The following FRMD6 variants were observed in gnomAD, a reference collection of about 807,000 sequenced individuals.
FRMD6 encodes FERM domain-containing protein 6.
In FRMD6, 37 loss-of-function variants were observed where a neutral mutation model predicts 73.2. That is an observed-to-expected ratio of 0.51 (90% CI 0.39 to 0.66). The LOEUF is 0.66. Ranked by LOEUF, FRMD6 falls within the 30% of genes least tolerant of loss-of-function variation. The pLI is 0.00. For synonymous variants in FRMD6, 273 were observed against 282.2 expected, an observed-to-expected ratio of 0.97 and a Z score of 0.33; for missense variants, 714 against 780.5, an observed-to-expected ratio of 0.91 and a Z score of 1.02.
chr14:51,415,519 G>A, the FRMD6 span, among the ~76,000 whole-genome samples: 1 of 152,170 alleles, frequency 6.6e-6, no homozygotes, highest in African/African-American at 2.4e-5. Context: ...GATTGTGGTG[G>A]ATAAGCTTTT....
At chr14:51,706,951 A>C (rs915694177) in intron 6 of FRMD6, among the ~76,000 whole-genome samples, 1 of 152,066 alleles carries the variant, frequency 6.6e-6, no homozygotes, top group Admixed American at 6.6e-5. Context: ...GCATGTTTGC[A>C]TTCTCTGGTT....
intron 6 of FRMD6, among the ~76,000 whole-genome samples, chr14:51,707,548 C>A (rs1377995789): frequency 2.6e-5 from 4 of 152,124 alleles, no homozygotes; most frequent in Admixed American, 6.6e-5. Context: ...CATAAGTATT[C>A]CAGCAGTGTT....
At chr14:51,486,276 C>T (rs1256403061), upstream of FRMD6, among the ~76,000 whole-genome samples, 4 of 152,050 alleles carry the variant, frequency 2.6e-5, no homozygotes, top group East Asian at 3.9e-4. Context: ...CCTGTTGATC[C>T]GCCCTCCTCG....
At chr14:51,445,493 A>T in the FRMD6 span, among the ~76,000 whole-genome samples, 11 of 150,954 alleles carry the variant, frequency 7.3e-5, no homozygotes, top group South Asian at 8.4e-4. Flanking sequence ...TTTTTTACAA[A>T]CAAATCTCCA....
intron 1 of FRMD6, among the ~76,000 whole-genome samples, chr14:51,562,712 T>TA (rs1172599511): frequency 6.6e-6 from 1 of 152,220 alleles, no homozygotes; most frequent in Non-Finnish European, 1.5e-5. Flanking sequence ...TCTTCCTGCA[T>TA]AAGACTTGAT....
At chr14:51,727,477 G>C (rs1475184362) in intron 13 of FRMD6, among the ~76,000 whole-genome samples, 1 of 152,202 alleles carries the variant, frequency 6.6e-6, no homozygotes, top group Non-Finnish European at 1.5e-5. Context: ...AGGACTGTTA[G>C]GAAGATTAAA....
intron 4 of FRMD6, among the ~76,000 whole-genome samples, 177 bp from the exon 5 acceptor site, chr14:51,702,335 C>G (rs1262571658): frequency 2.0e-5 from 3 of 151,952 alleles, no homozygotes; most frequent in African/African-American, 7.2e-5. Flanking sequence ...TGTATATGAA[C>G]CTGGTATCTA....
chr14:51,695,032 G>A (rs148697107), intron 2 of FRMD6, among the ~76,000 whole-genome samples: 35 of 151,540 alleles, frequency 2.3e-4, no homozygotes, highest in African/African-American at 8.3e-4. Context: ...TAAATGTATG[G>A]GCTGCATGGA....
At chr14:51,635,439 G>A (rs1362008870) in intron 2 of FRMD6, among the ~76,000 whole-genome samples, 1 of 152,056 alleles carries the variant, frequency 6.6e-6, no homozygotes, top group Non-Finnish European at 1.5e-5. Flanking sequence ...TGCTTTTCAG[G>A]GACCCAATGC....
At chr14:51,678,483 T>C (rs1262338368) in intron 1 of FRMD6, among the ~76,000 whole-genome samples, 2 of 152,176 alleles carry the variant, frequency 1.3e-5, no homozygotes, top group East Asian at 1.9e-4. Context: ...ATAACTAATA[T>C]GCAGAAAATA....
chr14:51,587,016 A>T (rs1889088193), intron 2 of FRMD6, among the ~76,000 whole-genome samples: 1 of 152,186 alleles, frequency 6.6e-6, no homozygotes, highest in Admixed American at 6.5e-5. Flanking sequence ...TTGGCCTCTC[A>T]AAGTGCTGGG....
chr14:51,712,654 C>T lies in FRMD6; in HGVS notation c.849+103C>T, dbSNP rs1347479845. On this transcript the variant is annotated intron_variant, in intron 9 of 13. Coordinates refer to ENST00000344768, the MANE Select transcript of FRMD6 (RefSeq NM_001267046.2). The stretch of plus-strand genomic sequence containing the variant: ...TGTTTTTAAACAATATTGTCTCAGG[C>T]ACAAAAGCTGTTATTTTTAAGAAGT... 3.0e-5 allele frequency: 22 copies of T among 729,466 alleles called. 1 individual carries two copies. The highest frequency in any genetic ancestry group is 1.8e-4 in the African/African-American group (10 of 55,886). The allele number at this position is 729,466 out of a possible 1,614,324, so 45.2% of individuals were successfully genotyped here. A position where few individuals can be genotyped will look rare whatever the true frequency, so the allele number is the denominator to read the frequency against.
At chr14:51,412,997 T>TTTTTTTTG in the FRMD6 span, among the ~76,000 whole-genome samples, 1 of 148,894 alleles carries the variant, frequency 6.7e-6, no homozygotes, top group African/African-American at 2.5e-5. Flanking sequence ...TAAATTTTTT[T>TTTTTTTTG]TTTTTTTTTT....
chr14:51,664,898 A>G (rs969142691), intron 1 of FRMD6, among the ~76,000 whole-genome samples: 6 of 152,346 alleles, frequency 3.9e-5, no homozygotes, highest in African/African-American at 1.4e-4. Context: ...ACACGAGGCC[A>G]ATGTGGAATA....
chr14:51,680,984 G>A (rs1894757647), intron 1 of FRMD6, among the ~76,000 whole-genome samples: 1 of 152,112 alleles, frequency 6.6e-6, no homozygotes, highest in South Asian at 2.1e-4. Context: ...AGCCAAATTG[G>A]TTGCAGTGAT....
At chr14:51,534,005 GA>G (rs1027681738) in intron 1 of FRMD6, among the ~76,000 whole-genome samples, 8 of 152,222 alleles carry the variant, frequency 5.3e-5, no homozygotes, top group African/African-American at 1.9e-4. Flanking sequence ...GGTGGGTGGG[GA>G]AAGGACCTAA....
intron 12 of FRMD6, 133 bp downstream of exon 12, chr14:51,722,213 G>T (rs544634999): frequency 3.5e-6 from 3 of 850,062 alleles, no homozygotes; most frequent in Non-Finnish European, 5.4e-6. Flanking sequence ...AGTCTCTTCA[G>T]GTCAGTGTTG....
the FRMD6 span, among the ~76,000 whole-genome samples, chr14:51,472,449 ACCTGCCACCACG>A: frequency 6.6e-6 from 1 of 152,036 alleles, no homozygotes; most frequent in Non-Finnish European, 1.5e-5. Flanking sequence ...GACTACAGGC[ACCTGCCACCACG>A]CCTGGCTAAT....
upstream of FRMD6, chr14:51,650,688 G>C (rs1892312075): frequency 6.6e-6 from 1 of 152,386 alleles, no homozygotes. Context: ...AGCCACCGCG[G>C]AGCAGGGCAG....
Sources: gnomAD v4.1 joint callset for allele counts (sites outside exome capture counted in the v4.1 genomes callset) on GRCh38, gnomAD v4.1.1 for gene constraint, MANE v1.5 for transcripts, NCBI Gene and HGNC (gene_info 2026-07-23, HGNC 2026-07-21) for gene names.